The following PLCB4 variants were observed in gnomAD, a reference collection of about 807,000 sequenced individuals.
PLCB4 encodes 1-phosphatidylinositol 4,5-bisphosphate phosphodiesterase beta-4.
A neutral mutation model predicts 178.8 loss-of-function variants in PLCB4; 77 were observed. The ratio of observed to expected loss-of-function variants is 0.43; its 90% CI spans 0.36 to 0.52. PLCB4 has a LOEUF of 0.52. Ranked by LOEUF, PLCB4 falls within the 20% of genes least tolerant of loss-of-function variation. PLCB4 has a pLI of 0.00. For missense variants in PLCB4, 1,024 were observed against 1,453.4 expected, an observed-to-expected ratio of 0.70 and a Z score of 4.80; for synonymous variants, 496 against 490.8, an observed-to-expected ratio of 1.01 and a Z score of -0.14.
intron 7 of PLCB4, 22 bp from the exon 8 acceptor site, chr20:9,362,874 A>G: frequency 1.3e-6 from 2 of 1,556,356 alleles, no homozygotes; most frequent in Non-Finnish European, 1.8e-6. Flanking sequence ...CTCACCAAGA[A>G]TATTTTTTCT....
At chr20:9,102,110 G>C (rs1456435482) in intron 2 of PLCB4, among the ~76,000 whole-genome samples, 1 of 152,106 alleles carries the variant, frequency 6.6e-6, no homozygotes, top group East Asian at 1.9e-4. Flanking sequence ...CTCCCAAATT[G>C]CTAGGATTAC....
At chr20:9,477,519 C>T (rs541789293) in intron 39 of PLCB4, among the ~76,000 whole-genome samples, 5 of 152,212 alleles carry the variant, frequency 3.3e-5, no homozygotes, top group African/African-American at 9.6e-5. Flanking sequence ...TACTATTTAC[C>T]GAACTTGGAA....
chr20:9,318,138 G>A (rs1325556183), intron 4 of PLCB4, among the ~76,000 whole-genome samples: 1 of 151,996 alleles, frequency 6.6e-6, no homozygotes, highest in Admixed American at 6.6e-5. Flanking sequence ...GACAGTGACA[G>A]AGTAAGATTC....
chr20:9,249,227 T>G (rs2094155173), intron 3 of PLCB4, among the ~76,000 whole-genome samples: 1 of 152,130 alleles, frequency 6.6e-6, no homozygotes, highest in African/African-American at 2.4e-5. Context: ...TTTTTAATTT[T>G]ATTATTATTA....
At chr20:9,127,489 T>C (rs991321567) in intron 2 of PLCB4, among the ~76,000 whole-genome samples, 2 of 152,130 alleles carry the variant, frequency 1.3e-5, no homozygotes, top group African/African-American at 2.4e-5. Flanking sequence ...TTAAGTAGAG[T>C]AGTCCCTTTC....
intron 2 of PLCB4, among the ~76,000 whole-genome samples, chr20:9,153,985 C>T (rs1294619511): frequency 6.6e-6 from 1 of 152,114 alleles, no homozygotes; most frequent in Admixed American, 6.5e-5. Context: ...TCAAAATAGG[C>T]TACATGGTAC....
At chr20:9,333,500 G>A (rs1038468293) in intron 4 of PLCB4, among the ~76,000 whole-genome samples, 1 of 152,192 alleles carries the variant, frequency 6.6e-6, no homozygotes, top group Non-Finnish European at 1.5e-5. Flanking sequence ...ACAAGAAATA[G>A]AAGGAAGAAC....
intron 1 of PLCB4, among the ~76,000 whole-genome samples, chr20:9,074,670 T>C (rs2224358): frequency 0.88 from 133,766 of 152,174 alleles, 59,237 homozygotes; most frequent in East Asian, 1. Flanking sequence ...TGACTGCATT[T>C]GGACAGAGGG....
chr20:9,262,126 G>A (rs2094303722), intron 3 of PLCB4, among the ~76,000 whole-genome samples: 1 of 152,162 alleles, frequency 6.6e-6, no homozygotes, highest in Non-Finnish European at 1.5e-5. Context: ...TGAATGAATG[G>A]GATAGGCTGA....
At chr20:9,087,366 G>T (rs1205336074) in intron 1 of PLCB4, among the ~76,000 whole-genome samples, 1 of 152,040 alleles carries the variant, frequency 6.6e-6, no homozygotes, top group African/African-American at 2.4e-5. Context: ...TGTTGGATGG[G>T]CCACACTTAG....
intron 3 of PLCB4, among the ~76,000 whole-genome samples, chr20:9,306,358 C>T (rs143810204): frequency 1.3e-5 from 2 of 151,626 alleles, no homozygotes; most frequent in African/African-American, 2.4e-5. Flanking sequence ...CCACCCCCTC[C>T]CCCCACCCCG....
At chr20:9,452,080 A>G (rs916532785) in intron 32 of PLCB4, among the ~76,000 whole-genome samples, 3 of 151,982 alleles carry the variant, frequency 2.0e-5, no homozygotes, top group African/African-American at 7.3e-5. Flanking sequence ...CCTATCCAGC[A>G]TCACCCTTCT....
chr20:9,286,840 C>A (rs2094540480), intron 3 of PLCB4, among the ~76,000 whole-genome samples: 1 of 151,876 alleles, frequency 6.6e-6, no homozygotes, highest in South Asian at 2.1e-4. Flanking sequence ...ACTTTCCATC[C>A]CCTAGGATCT....
chr20:9,305,932 T>G (rs1367270528), intron 3 of PLCB4, among the ~76,000 whole-genome samples: 1 of 152,200 alleles, frequency 6.6e-6, no homozygotes, highest in Non-Finnish European at 1.5e-5. Context: ...GCATATTTTG[T>G]GTCTTCAGTG....
At chr20:9,301,607 G>T (rs146378414) in intron 3 of PLCB4, among the ~76,000 whole-genome samples, 1 of 152,196 alleles carries the variant, frequency 6.6e-6, no homozygotes, top group Admixed American at 6.6e-5. Context: ...CACCCCAACC[G>T]AATGGATAGA....
At chr20:9,449,412 A>G (rs566727720) in intron 32 of PLCB4, among the ~76,000 whole-genome samples, 3 of 152,300 alleles carry the variant, frequency 2.0e-5, no homozygotes, top group South Asian at 2.1e-4. Context: ...TGTTGACTCC[A>G]TAAAAGCTGG....
At position 9,237,091 on chromosome 20, in the gene PLCB4, G is replaced by A. The variant is rs573900407; in HGVS notation, c.-16+19639G>A. ...GAGAGAATGAATGAAAAAAAAGACG[G>A]CTTTTCTGTATTATACTTTATTTTT... On this transcript the variant is annotated intron_variant, in intron 3 of 39. Transcript: ENST00000378473. Among the ~76,000 whole-genome samples, 30 of 152,116 alleles carry A rather than the reference G, an allele frequency of 2.0e-4. 2 individuals carry two copies. The South Asian group carries it at 3.8e-3, about 19-fold the overall frequency.
Position 9,428,140 on chromosome 20 carries a change from G to A in PLCB4, c.2524+4188G>A, listed in dbSNP as rs566857763. On this transcript the variant is annotated intron_variant, in intron 28 of 39. Transcript: ENST00000378473. ...TATCAGATATTTCCAGAGAAAGAAT[G>A]TTCTTAATTAAGATGCCATTCCTGG... 7.4e-4 allele frequency among the ~76,000 whole-genome samples: 112 copies of A among 152,248 alleles called. 2 individuals carry two copies. In the Middle Eastern group the frequency reaches 0.01, roughly 14 times the overall value.
intron 15 of PLCB4, among the ~76,000 whole-genome samples, chr20:9,387,895 A>C (rs1372891166): frequency 6.6e-6 from 1 of 152,252 alleles, no homozygotes; most frequent in African/African-American, 2.4e-5. Context: ...AAGGTGGCAT[A>C]AAAAGATAAA....
Sources: allele counts gnomAD v4.1 joint callset (sites outside exome capture counted in the v4.1 genomes callset), GRCh38; gene constraint gnomAD v4.1.1; transcripts MANE v1.5; gene names NCBI Gene and HGNC (gene_info 2026-07-23, HGNC 2026-07-21).